Variants in CYP1A1 observed in about 807,000 individuals in gnomAD.
CYP1A1 encodes the protein cytochrome P450 1A1.
CYP1A1 carries 43 observed loss-of-function variants against 33.6 expected under a neutral mutation model. The ratio of observed to expected loss-of-function variants is 1.28; its 90% CI spans 1.00 to 1.65. The LOEUF (loss-of-function observed/expected upper bound fraction) is 1.65, where lower values mean the gene tolerates loss of function less well. CYP1A1 is among the 40% of genes most tolerant of loss of function. The probability of loss-of-function intolerance (pLI) is 0.00; values close to 1 mark genes in which losing one functional copy is unlikely to be tolerated. For missense variants in CYP1A1, 637 were observed against 653.7 expected (o/e 0.97, Z 0.28); for synonymous variants, 280 against 257.8 (o/e 1.09, Z -0.83).
chr15:74,721,539 GCAGCAGGT>G, intron 3 of CYP1A1, 36 bp from the exon 4 acceptor site: 1 of 1,614,170 alleles, frequency 6.2e-7, no homozygotes, highest in Non-Finnish European at 8.5e-7. Context: ...TAGGCAGGCA[GCAGCAGGT>G]CAGGGCACTT....
chr15:74,721,520 A>G lies in CYP1A1; in HGVS notation c.953-17T>C, dbSNP rs2063170209. The stretch of plus-strand genomic sequence containing the variant: ...TGTCAAACCCTGGACAGGGTAGAAC[A>G]GAAGAAGTTAGGCAGGCAGCAGCAG... On this transcript the variant is annotated splice_polypyrimidine_tract_variant and intron_variant, in intron 3 of 6. Transcript: ENST00000379727. The G allele has an allele frequency of 4.3e-6, 7 of 1,614,074 alleles. No homozygotes were observed. The highest frequency in any genetic ancestry group is 5.1e-6 in the Non-Finnish European group (6 of 1,180,004).
rs1187061906 is a variant in CYP1A1 at position 74,721,208 on chromosome 15, A to C, written c.1157T>G (p.Ile386Ser). The change falls in exon 5 of 7, where the codon ATC becomes AGC. Residue 386 changes from isoleucine to serine, a missense_variant. Coordinates refer to ENST00000379727, the MANE Select transcript of CYP1A1 (RefSeq NM_001319217.2). Reference protein sequence around the residue: ...FRHSSFVPFTIPHSTTRDTSL... With the variant: ...FRHSSFVPFTSPHSTTRDTSL... ...CTCCATGGGGCCTTACCTGTGGGGG[A>C]TGGTGAAGGGGACGAAGGAAGAGTG... 1 of 1,612,126 alleles carries C rather than the reference A, an allele frequency of 6.2e-7. No individual in the cohort carries two copies. Among genetic ancestry groups the C allele is most frequent in the African/African-American group, 1.3e-5 (1 of 74,926 alleles).
In CYP1A1 at chr15:74,723,129, G is replaced by A; in HGVS notation, c.-29-3C>T. The A allele has an allele frequency of 6.7e-7, 1 of 1,486,628 alleles. No individual in the cohort carries two copies. Among genetic ancestry groups the A allele is most frequent in the Non-Finnish European group, 9.0e-7 (1 of 1,108,792 alleles). The allele number at this position is 1,486,628 out of a possible 1,614,324, so 92.1% of individuals were successfully genotyped here. A position where few individuals can be genotyped will look rare whatever the true frequency, so the allele number is the denominator to read the frequency against. ...TGTAGGGATCTTGGAGGTGGCTGCTGAGAGAAGGTGCAGGAAGAAAAAAAG... is the reference window on the plus strand; with the variant it reads ...TGTAGGGATCTTGGAGGTGGCTGCTAAGAGAAGGTGCAGGAAGAAAAAAAG... On this transcript the variant is annotated splice_region_variant and splice_polypyrimidine_tract_variant and intron_variant, in intron 1 of 6. Coordinates refer to ENST00000379727, the MANE Select transcript of CYP1A1 (RefSeq NM_001319217.2).
In CYP1A1 at chr15:74,720,722, C is replaced by T; in HGVS notation, c.1306G>A (p.Asp436Asn). 1.2e-6 allele frequency: 2 copies of T among 1,614,056 alleles called. No individual in the cohort carries two copies. The highest frequency in any genetic ancestry group is 1.1e-5 in the South Asian group (1 of 91,074). The stretch of plus-strand genomic sequence containing the variant: ...CTTAACACCTTGTCGATAGCACCAT[C>T]AGGGGTGAGAAACCGTTCAGGTAGG... ...EFLPERFLTP[D>N]GAIDKVLSEK... is the part of the protein sequence containing the mutation. The change falls in exon 7 of 7, where the codon GAT becomes AAT. Residue 436 changes from aspartate (D) to asparagine (N), a missense_variant. Asp to Asn is a conservative substitution (Grantham distance 23). Coordinates refer to ENST00000379727, the MANE Select transcript of CYP1A1 (RefSeq NM_001319217.2).
rs1008187131 is a variant in CYP1A1 at position 74,721,333 on chromosome 15, C to G, written c.1043-11G>C. ...TGCCAATCACTGTGTCTGCAGAACA[C>G]AGGGACAAGATGGATGCAGGGGCTG... is the stretch of plus-strand genomic sequence containing the variant. On this transcript the variant is annotated splice_polypyrimidine_tract_variant and intron_variant, in intron 4 of 6. Transcript: ENST00000379727. The G allele has an allele frequency of 6.2e-7, 1 of 1,613,768 alleles. No homozygotes were observed. Among genetic ancestry groups the G allele is most frequent in the Non-Finnish European group, 8.5e-7 (1 of 1,179,780 alleles).
rs755187740 is a variant in CYP1A1, at chr15:74,721,187, A to G, written c.1166+12T>C. The G allele has an allele frequency of 1.7e-5, 27 of 1,610,492 alleles. No individual in the cohort carries two copies. Among genetic ancestry groups the G allele is most frequent in the South Asian group, 8.9e-5 (8 of 90,340 alleles). On this transcript the variant is annotated intron_variant, in intron 5 of 6. Transcript: ENST00000379727. ...ATCAGTAACAGACAGCAGTGGCTCC[A>G]TGGGGCCTTACCTGTGGGGGATGGT...
At position 74,721,258 on chromosome 15, in the gene CYP1A1, C is replaced by G. The variant is rs760582221; in HGVS notation, c.1107G>C (p.Glu369Asp). The G allele has an allele frequency of 1.2e-6, 2 of 1,613,864 alleles. No individual in the cohort carries two copies. The highest frequency in any genetic ancestry group is 2.2e-5 in the South Asian group (2 of 91,062). Residue 369 changes from glutamate to aspartate, a missense_variant, in exon 5 of 7, where the codon GAG (glutamate) becomes GAC (aspartate). Glu to Asp is a conservative substitution (Grantham distance 45). Transcript: ENST00000379727. ...GTCGGAAGGTCTCCAGGATGAAGGC[C>G]TCCATATAGGGCAGATGGGATCTGT... ...LSDRSHLPYM[E>D]AFILETFRHS... is the part of the protein sequence containing the mutation.
rs72547509 is a variant in CYP1A1, at chr15:74,720,685, A to G, written c.1343T>C (p.Ile448Thr). ...AIDKVLSEKV[I>T]IFGMGKRKCI... ...CTTCCGCTTGCCCATGCCAAAGATA[A>G]TCACCTTCTCACTTAACACCTTGTC... The change falls in exon 7 of 7, where the codon ATT (isoleucine) becomes ACT (threonine). Residue 448 changes from isoleucine to threonine, a missense_variant. Transcript: ENST00000379727. 22 of 1,614,138 alleles carry G rather than the reference A, an allele frequency of 1.4e-5. No homozygotes were observed. The East Asian group carries it at 4.2e-4, about 31-fold the overall frequency.
chr15:74,720,318 T>G lies in CYP1A1; in HGVS notation c.*171A>C. The G allele has an allele frequency of 1.6e-6, 1 of 622,066 alleles. No individual in the cohort carries two copies. Among genetic ancestry groups the G allele is most frequent in the Non-Finnish European group, 2.6e-6 (1 of 387,834 alleles). 38.5% of individuals were successfully genotyped at this position (622,066 alleles called of 1,614,324 possible). Reference sequence around the variant, plus strand: ...AGGGTGTGCAGAGGCAAGTCCAGGGTAGGGGCAGGCAGGATCCCTTAGGCT... The same window carrying G: ...AGGGTGTGCAGAGGCAAGTCCAGGGGAGGGGCAGGCAGGATCCCTTAGGCT... On this transcript the variant is annotated 3_prime_UTR_variant, in exon 7 of 7. Coordinates refer to ENST00000379727, the MANE Select transcript of CYP1A1 (RefSeq NM_001319217.2).
In CYP1A1 at chr15:74,722,772, A is replaced by C. The variant is rs1567197021; in HGVS notation, c.326T>G (p.Leu109Arg). The change falls in exon 2 of 7, where the codon CTC becomes CGC. Residue 109 changes from leucine (L) to arginine (R), a missense_variant. Leu to Arg is a moderately radical substitution (Grantham distance 102). Coordinates refer to ENST00000379727, the MANE Select transcript of CYP1A1 (RefSeq NM_001319217.2). ...QGDDFKGRPD[L>R]YTFTLISNGQ... The stretch of plus-strand genomic sequence containing the variant: ...ATTACTGATGAGGGTGAAGGTGTAG[A>C]GGTCGGGCCGGCCCTTGAAATCATC... 5 of 1,613,124 alleles carry C rather than the reference A, an allele frequency of 3.1e-6. 1 individual carries two copies. In the South Asian group the frequency reaches 5.5e-5, roughly 18 times the overall value.
rs893613070 is a variant in CYP1A1 at position 74,722,835 on chromosome 15, C to A, written c.263G>T (p.Gly88Val). The A allele has an allele frequency of 6.2e-7, 1 of 1,614,020 alleles. No homozygotes were observed. Among genetic ancestry groups the A allele is most frequent in the South Asian group, 1.1e-5 (1 of 91,074 alleles). ...IGSTPVVVLS[G>V]LDTIRQALVR... ...CAGGGCCTGCCGGATGGTGTCCAGG[C>A]CGCTCAGCACCACCACGGGTGTGGA... Residue 88 changes from glycine (G) to valine (V), a missense_variant, in exon 2 of 7, where the codon GGC (glycine) becomes GTC (valine). Physicochemically the swap from Gly to Val is moderately radical, Grantham distance 109 (BLOSUM62 -3). Transcript: ENST00000379727.
rs1447480239 is a variant in CYP1A1, at chr15:74,720,777, G to T, written c.1254-3C>A. On this transcript the variant is annotated splice_region_variant and splice_polypyrimidine_tract_variant and intron_variant, in intron 6 of 6. Transcript: ENST00000379727. ...CAGATGGGTTGACCCATAGCTTCCT[G>T]TAACCAGAGGGAGACAGCTGAAGTG... 1.2e-6 allele frequency: 2 copies of T among 1,606,020 alleles called. No individual in the cohort carries two copies. Among genetic ancestry groups the T allele is most frequent in the African/African-American group, 1.3e-5 (1 of 75,002 alleles).
In CYP1A1 at chr15:74,722,710, C is replaced by T; in HGVS notation, c.388G>A (p.Val130Met). The T allele has an allele frequency of 1.2e-6, 2 of 1,613,342 alleles. No individual in the cohort carries two copies. Among genetic ancestry groups the T allele is most frequent in the Middle Eastern group, 1.6e-4 (1 of 6,062 alleles). ...GCCAGGCGCCGGCGGGCAGCCCACA[C>T]TGGTCCAGAGTCTGGGCTGAAGGAC... ...SMSFSPDSGP[V>M]WAARRRLAQN... The change falls in exon 2 of 7, where the codon GTG becomes ATG. Residue 130 changes from valine to methionine, a missense_variant. Transcript: ENST00000379727.
At chr15:74,725,183 C>G (rs2063206589) in intron 1 of CYP1A1, 1 of 152,786 alleles carries the variant, frequency 6.5e-6, no homozygotes, top group African/African-American at 2.4e-5. Flanking sequence ...GGAGCTGGAG[C>G]CTGGGTCCTG....
chr15:74,723,222 CACCAGAA>C, intron 1 of CYP1A1, 96 bp from the exon 2 acceptor site: 4 of 685,804 alleles, frequency 5.8e-6, no homozygotes, highest in Non-Finnish European at 9.6e-6. Context: ...GAAACCTTTC[CACCAGAA>C]CTGCTTACTG....
Position 74,720,685 on chromosome 15 carries a change from A to T in CYP1A1, c.1343T>A (p.Ile448Asn), listed in dbSNP as rs72547509. ...AIDKVLSEKVIIFGMGKRKCI... is the reference protein window; with the variant it reads ...AIDKVLSEKVNIFGMGKRKCI... The stretch of plus-strand genomic sequence containing the variant: ...CTTCCGCTTGCCCATGCCAAAGATA[A>T]TCACCTTCTCACTTAACACCTTGTC... Residue 448 changes from isoleucine (I) to asparagine (N), a missense_variant, in exon 7 of 7, where the codon ATT (isoleucine) becomes AAT (asparagine). Ile to Asn is a moderately radical substitution (Grantham distance 149). Coordinates refer to ENST00000379727, the MANE Select transcript of CYP1A1 (RefSeq NM_001319217.2). 5.6e-6 allele frequency: 9 copies of T among 1,614,138 alleles called. No homozygotes were observed. The East Asian group carries it at 1.8e-4, about 32-fold the overall frequency.
In CYP1A1 at chr15:74,719,673, ATGCAGGCTAGAATAGAAGGATTGT is replaced by A. The variant is rs2063152892; in HGVS notation, c.*792_*815del. On this transcript the variant is annotated 3_prime_UTR_variant, in exon 7 of 7. Transcript: ENST00000379727. ...GCTCTTATGCAAGCATGCAAGCTCAATGCAGGCTAGAATAGAAGGATTGTTGTGTACAAACATTAAAAATAGACA... is the reference window on the plus strand; with the variant it reads ...GCTCTTATGCAAGCATGCAAGCTCAATGTGTACAAACATTAAAAATAGACA... 1 of 152,076 alleles carries A rather than the reference ATGCAGGCTAGAATAGAAGGATTGT, an allele frequency of 6.6e-6. No individual in the cohort carries two copies. Among genetic ancestry groups the A allele is most frequent in the Non-Finnish European group, 1.5e-5 (1 of 68,038 alleles). 9.4% of individuals were successfully genotyped at this position (152,076 alleles called of 1,614,324 possible).
Position 74,722,945 on chromosome 15 carries a change from G to A in CYP1A1, c.153C>T (p.His51=). 1 of 1,614,216 alleles carries A rather than the reference G, an allele frequency of 6.2e-7. No homozygotes were observed. Among genetic ancestry groups the A allele is most frequent in the Non-Finnish European group, 8.5e-7 (1 of 1,180,044 alleles). Reference sequence around the variant, plus strand: ...GCGGGTTCTTTCCCAGGGTCAGCATGTGCCCAATCAGAGGCCAGCCCCATG... The same window carrying A: ...GCGGGTTCTTTCCCAGGGTCAGCATATGCCCAATCAGAGGCCAGCCCCATG... ...PGPWGWPLIG[H]MLTLGKNPHL... Residue 51 remains histidine, a synonymous_variant, in exon 2 of 7, where the codon CAC becomes CAT. Transcript: ENST00000379727.
rs1473990143 is a variant in CYP1A1, at chr15:74,722,792, A to C, written c.306T>G (p.Asp102Glu). 1.2e-6 allele frequency: 2 copies of C among 1,613,420 alleles called. No homozygotes were observed. Among genetic ancestry groups the C allele is most frequent in the African/African-American group, 2.7e-5 (2 of 74,774 alleles). ...IRQALVRQGDDFKGRPDLYTF... is the reference protein window; with the variant it reads ...IRQALVRQGDEFKGRPDLYTF... The stretch of plus-strand genomic sequence containing the variant: ...TGTAGAGGTCGGGCCGGCCCTTGAA[A>C]TCATCGCCCTGCCGCACCAGGGCCT... The change falls in exon 2 of 7, where the codon GAT (aspartate) becomes GAG (glutamate). Residue 102 changes from aspartate to glutamate, a missense_variant. Coordinates refer to ENST00000379727, the MANE Select transcript of CYP1A1 (RefSeq NM_001319217.2).
Sources: gnomAD v4.1 joint callset for allele counts on GRCh38, gnomAD v4.1.1 for gene constraint, MANE v1.5 for transcripts, NCBI Gene and HGNC (gene_info 2026-07-23, HGNC 2026-07-21) for gene names.